The following MARCHF7 variants were observed in gnomAD, a reference collection of about 807,000 sequenced individuals.
MARCHF7 encodes E3 ubiquitin-protein ligase MARCHF7.
A neutral mutation model predicts 76.5 loss-of-function variants in MARCHF7; 20 were observed. That is an observed-to-expected ratio of 0.26 (90% CI 0.18 to 0.38). MARCHF7 has a LOEUF of 0.38. Among genes scored for constraint, MARCHF7 ranks in the 10% least tolerant of loss-of-function variants. MARCHF7 has a pLI of 1.00. For synonymous variants in MARCHF7, 295 were observed against 293.0 expected, an observed-to-expected ratio of 1.01 and a Z score of -0.07; for missense variants, 797 against 812.9, an observed-to-expected ratio of 0.98 and a Z score of 0.24.
chr2:159,742,782 C>T (rs1488884105), intron 4 of MARCHF7, among the ~76,000 whole-genome samples: 1 of 151,956 alleles, frequency 6.6e-6, no homozygotes, highest in Non-Finnish European at 1.5e-5. Context: ...ACTAAAAATA[C>T]AAAAATTAGC....
At chr2:159,734,119 A>G in intron 4 of MARCHF7, 1 of 1,242,088 alleles carries the variant, frequency 8.1e-7, no homozygotes, top group South Asian at 2.3e-5. Context: ...GGAAAATTTA[A>G]TTTCTATAAA....
chr2:159,722,642 A>G (rs1701759977), intron 3 of MARCHF7, among the ~76,000 whole-genome samples: 1 of 152,250 alleles, frequency 6.6e-6, no homozygotes, highest in Non-Finnish European at 1.5e-5. Flanking sequence ...TGGACTTGAA[A>G]AGATGTCTCT....
chr2:159,759,472 C>T, intron 9 of MARCHF7, 137 bp downstream of exon 9: 2 of 424,402 alleles, frequency 4.7e-6, no homozygotes, highest in Non-Finnish European at 8.4e-6. Flanking sequence ...TAACATAATT[C>T]TGTTACTGCA....
intron 3 of MARCHF7, among the ~76,000 whole-genome samples, chr2:159,720,680 A>G (rs1196984495): frequency 6.6e-6 from 1 of 152,232 alleles, no homozygotes; most frequent in Non-Finnish European, 1.5e-5. Context: ...GAAAGTTAGC[A>G]TGAAGGTATA....
intron 3 of MARCHF7, among the ~76,000 whole-genome samples, chr2:159,719,776 C>T (rs1701428299): frequency 6.6e-6 from 1 of 152,036 alleles, no homozygotes; most frequent in Non-Finnish European, 1.5e-5. Context: ...TTTTGTGTAT[C>T]ATACAAGTTT....
At chr2:159,732,996 C>G (rs1456405536) in intron 4 of MARCHF7, 1 of 866,428 alleles carries the variant, frequency 1.2e-6, no homozygotes, top group African/African-American at 1.8e-5. Context: ...GGAACAGTGC[C>G]TAGAACATAG....
chr2:159,738,506 C>CT (rs1287638869), intron 4 of MARCHF7, among the ~76,000 whole-genome samples: 2 of 152,154 alleles, frequency 1.3e-5, no homozygotes, highest in African/African-American at 4.8e-5. Context: ...CGAAGAGGGG[C>CT]TTTATTGAGC....
At chr2:159,721,151 CA>C (rs1445787551) in intron 3 of MARCHF7, among the ~76,000 whole-genome samples, 1 of 152,104 alleles carries the variant, frequency 6.6e-6, no homozygotes. Flanking sequence ...AGGCATGAGC[CA>C]CCACACTGGG....
intron 5 of MARCHF7, among the ~76,000 whole-genome samples, chr2:159,744,429 C>T (rs1704590627): frequency 6.6e-6 from 1 of 152,236 alleles, no homozygotes; most frequent in East Asian, 1.9e-4. Context: ...TGTACTGAGA[C>T]ACATATTTTT....
intron 8 of MARCHF7, among the ~76,000 whole-genome samples, chr2:159,753,806 G>A (rs919598713): frequency 5.3e-5 from 8 of 152,132 alleles, no homozygotes; most frequent in Non-Finnish European, 8.8e-5. Flanking sequence ...CAGTGTGATC[G>A]TGATGATAGA....
intron 3 of MARCHF7, among the ~76,000 whole-genome samples, chr2:159,728,093 A>C (rs1001486625): frequency 6.6e-6 from 1 of 152,190 alleles, no homozygotes; most frequent in Non-Finnish European, 1.5e-5. Context: ...ACAATCTTTG[A>C]AAACATTTTG....
intron 10 of MARCHF7, among the ~76,000 whole-genome samples, chr2:159,764,215 TG>T (rs1707455432): frequency 3.5e-5 from 1 of 28,720 alleles, no homozygotes; most frequent in Non-Finnish European, 9.1e-5. Flanking sequence ...GGGAGTTTTG[TG>T]TGTGTGTGTG....
chr2:159,731,639 A>G (rs1158900408), intron 4 of MARCHF7, among the ~76,000 whole-genome samples: 1 of 151,878 alleles, frequency 6.6e-6, no homozygotes, highest in Admixed American at 6.6e-5. Flanking sequence ...CTGTAGTCCT[A>G]GCTACTCGGG....
At chr2:159,766,838 C>T (rs1707826448) in intron 11 of MARCHF7, among the ~76,000 whole-genome samples, 1 of 152,160 alleles carries the variant, frequency 6.6e-6, no homozygotes, top group Non-Finnish European at 1.5e-5. Context: ...CACCCATAAC[C>T]TCTTATTCTA....
Position 159,763,008 on chromosome 2 carries a change from A to C in MARCHF7, c.2007+15A>C. The C allele has an allele frequency of 6.4e-7, 1 of 1,555,040 alleles. No individual in the cohort carries two copies. Among genetic ancestry groups the C allele is most frequent in the Non-Finnish European group, 8.9e-7 (1 of 1,129,838 alleles). ...CACGTGTCCGAGTAAGTAATAATGAAGTTGGGGAGAGGGAGGGTATGATGC... is the reference window on the plus strand; with the variant it reads ...CACGTGTCCGAGTAAGTAATAATGACGTTGGGGAGAGGGAGGGTATGATGC... On this transcript the variant is annotated intron_variant, in intron 10 of 11. Coordinates refer to ENST00000409175, the MANE Select transcript of MARCHF7 (RefSeq NM_001282805.2).
chr2:159,760,256 AC>A (rs1706872205), intron 9 of MARCHF7, among the ~76,000 whole-genome samples: 1 of 152,190 alleles, frequency 6.6e-6, no homozygotes, highest in South Asian at 2.1e-4. Flanking sequence ...AATAATAGAT[AC>A]CCTTTGAAAA....
rs1006778177 is a variant in MARCHF7 at position 159,748,708 on chromosome 2, C to T, written c.1418C>T (p.Thr473Ile). Reference protein sequence around the residue: ...TSDSAQGGRNTGISGILPGSL... With the variant: ...TSDSAQGGRNIGISGILPGSL... Reference sequence around the variant, plus strand: ...GATTCGGCTCAAGGTGGAAGAAATACAGGAATATCAGGGATTCTTCCTGGT... The same window carrying T: ...GATTCGGCTCAAGGTGGAAGAAATATAGGAATATCAGGGATTCTTCCTGGT... Residue 473 changes from threonine (T) to isoleucine (I), a missense_variant, in exon 7 of 12, where the codon ACA becomes ATA. By Grantham distance (89) the Thr-to-Ile change is moderately conservative. This residue lies in a region of MARCHF7 where 643 missense variants were observed against 631.5 expected (regional missense o/e 1.02). Coordinates refer to ENST00000409175, the MANE Select transcript of MARCHF7 (RefSeq NM_001282805.2). 1.9e-6 allele frequency: 3 copies of T among 1,614,028 alleles called. No homozygotes were observed. The highest frequency in any genetic ancestry group is 2.5e-6 in the Non-Finnish European group (3 of 1,180,024).
intron 8 of MARCHF7, among the ~76,000 whole-genome samples, chr2:159,755,862 C>T (rs527664381): frequency 6.6e-6 from 1 of 152,234 alleles, no homozygotes; most frequent in African/African-American, 2.4e-5. Flanking sequence ...TATGAGGATA[C>T]TGGGAAAATT....
intron 4 of MARCHF7, among the ~76,000 whole-genome samples, chr2:159,731,960 C>G (rs187115135): frequency 6.8e-6 from 1 of 146,112 alleles, no homozygotes; most frequent in Admixed American, 6.8e-5. Flanking sequence ...AAAAATTAGC[C>G]GGGCGTGGTG....
Sources: allele counts gnomAD v4.1 joint callset (sites outside exome capture counted in the v4.1 genomes callset), GRCh38; gene constraint gnomAD v4.1.1; regional missense constraint gnomAD v4.1.1; transcripts MANE v1.5; gene names NCBI Gene and HGNC (gene_info 2026-07-23, HGNC 2026-07-21).